PRAG1: variants seen among roughly 807,000 people sequenced by gnomAD.
The protein encoded by PRAG1 is inactive tyrosine-protein kinase PRAG1.
A neutral mutation model predicts 95.6 loss-of-function variants in PRAG1; 110 were observed. The ratio of observed to expected loss-of-function variants is 1.15; its 90% CI spans 0.99 to 1.35. PRAG1 has a LOEUF of 1.35. PRAG1 is among the 40% of genes most tolerant of loss of function. The probability of loss-of-function intolerance (pLI) is 0.00; values close to 1 mark genes in which losing one functional copy is unlikely to be tolerated. For missense variants in PRAG1, 2,554 were observed against 1,864.7 expected, an observed-to-expected ratio of 1.37 and a Z score of -6.81; for synonymous variants, 1,052 against 819.4, an observed-to-expected ratio of 1.28 and a Z score of -4.85.
chr8:8,325,935 TAAAAAA>T (rs919584549), intron 5 of PRAG1, among the ~76,000 whole-genome samples: 1 of 140,890 alleles, frequency 7.1e-6, no homozygotes, highest in Non-Finnish European at 1.6e-5. Context: ...TAATAATAAT[TAAAAAA>T]AAAAAAAGTT....
At position 8,318,153 on chromosome 8, in the gene PRAG1, C is replaced by T. The variant is rs530119902; in HGVS notation, c.*1G>A. ...AGCGACGGTGCAGGCTGGGGCTTGG[C>T]TCACAGAAGCTGCAGGAGCTTCAGC... On this transcript the variant is annotated 3_prime_UTR_variant, in exon 6 of 6. Transcript: ENST00000615670. This position sits in a 1 kb window ranked among gnomAD's most constrained non-coding sequence, Gnocchi z 4.2. The T allele has an allele frequency of 7.5e-6, 12 of 1,610,140 alleles. No homozygotes were observed. In the African/African-American group the frequency reaches 1.5e-4, roughly 20 times the overall value.
intron 3 of PRAG1, among the ~76,000 whole-genome samples, chr8:8,365,487 G>C (rs922592429): frequency 6.6e-6 from 1 of 151,958 alleles, no homozygotes; most frequent in African/African-American, 2.4e-5. Context: ...AGCCCGGCAT[G>C]GTGGCAGGTG....
chr8:8,375,192 A>C (rs555956160), intron 3 of PRAG1, among the ~76,000 whole-genome samples: 1 of 136,170 alleles, frequency 7.3e-6, no homozygotes, highest in East Asian at 2.3e-4. Context: ...ACAAAACTAC[A>C]TTTTTTTCTT....
chr8:8,337,572 G>A (rs143599984), intron 4 of PRAG1, among the ~76,000 whole-genome samples: 83 of 152,298 alleles, frequency 5.4e-4, no homozygotes, highest in Non-Finnish European at 1.1e-3. Flanking sequence ...GCCATGTCCA[G>A]GGGCAGCAGA....
chr8:8,326,521 A>G (rs575642131), intron 5 of PRAG1, among the ~76,000 whole-genome samples: 1 of 152,314 alleles, frequency 6.6e-6, no homozygotes, highest in East Asian at 1.9e-4. Context: ...CAGCAAAAGA[A>G]GATGACAAAT....
rs769938748 is a variant in PRAG1 at position 8,319,095 on chromosome 8, C to T, written c.3280G>A (p.Glu1094Lys). ...EQDCVVVITR[E>K]VPHQTASDFV... Reference sequence around the variant, plus strand: ...TCGGAGGCGGTCTGATGTGGCACCTCTCGGGTGATGACCACCACGCAGTCC... The same window carrying T: ...TCGGAGGCGGTCTGATGTGGCACCTTTCGGGTGATGACCACCACGCAGTCC... The change falls in exon 6 of 6, where the codon GAG (glutamate) becomes AAG (lysine). Residue 1094 changes from glutamate (E) to lysine (K), a missense_variant. Transcript: ENST00000615670. The T allele has an allele frequency of 1.2e-6, 2 of 1,610,186 alleles. No homozygotes were observed. Among genetic ancestry groups the T allele is most frequent in the Non-Finnish European group, 8.5e-7 (1 of 1,179,510 alleles).
chr8:8,340,779 C>T (rs912504620), intron 3 of PRAG1, among the ~76,000 whole-genome samples: 1 of 152,180 alleles, frequency 6.6e-6, no homozygotes, highest in South Asian at 2.1e-4. Flanking sequence ...TCCTTGAAAA[C>T]ACGTCCCTCT....
Position 8,318,251 on chromosome 8 carries a change from C to G in PRAG1, c.4124G>C (p.Arg1375Pro). The change falls in exon 6 of 6, where the codon CGG (arginine) becomes CCG (proline). Residue 1375 changes from arginine (R) to proline (P), a missense_variant. Arg to Pro is a moderately radical substitution (Grantham distance 103). Transcript: ENST00000615670. This position sits in a 1 kb window ranked among gnomAD's most constrained non-coding sequence, Gnocchi z 4.2. Reference sequence around the variant, plus strand: ...AAGCCAGTCCTCCAGCTCCACGCCCCGCCTGCGATCCACCGCCTTCTCCGC... The same window carrying G: ...AAGCCAGTCCTCCAGCTCCACGCCCGGCCTGCGATCCACCGCCTTCTCCGC... ...KFAEKAVDRRRGVELEDWLCC... is the reference protein window; with the variant it reads ...KFAEKAVDRRPGVELEDWLCC... The G allele has an allele frequency of 1.2e-6, 2 of 1,614,188 alleles. No individual in the cohort carries two copies. Among genetic ancestry groups the G allele is most frequent in the Non-Finnish European group, 1.7e-6 (2 of 1,180,016 alleles).
At position 8,361,201 on chromosome 8, in the gene PRAG1, G is replaced by C. The variant is rs537390316; in HGVS notation, c.2162+15046C>G. On this transcript the variant is annotated intron_variant, in intron 3 of 5. Transcript: ENST00000615670. Reference sequence around the variant, plus strand: ...ACTGAGGAACTTCCCTTAAAGGAAAGAACGTTGAAGTTGACCTCTTAGTAG... The same window carrying C: ...ACTGAGGAACTTCCCTTAAAGGAAACAACGTTGAAGTTGACCTCTTAGTAG... 9.8e-5 allele frequency among the ~76,000 whole-genome samples: 15 copies of C among 152,328 alleles called. No individual in the cohort carries two copies. The East Asian group carries it at 2.9e-3, about 29-fold the overall frequency.
At chr8:8,381,992 G>A (rs1456205134) in intron 1 of PRAG1, among the ~76,000 whole-genome samples, 158 bp from the exon 2 acceptor site, 2 of 152,128 alleles carry the variant, frequency 1.3e-5, no homozygotes. Context: ...TTGTCACAAG[G>A]CTCTTAAACA....
intron 3 of PRAG1, among the ~76,000 whole-genome samples, chr8:8,374,940 T>A (rs753414162): frequency 1.3e-5 from 2 of 152,144 alleles, no homozygotes; most frequent in African/African-American, 2.4e-5. Context: ...ATGACATGAC[T>A]CGAGAAAGTC....
At position 8,376,842 on chromosome 8, in the gene PRAG1, G is replaced by T. The variant is rs370756448; in HGVS notation, c.1567C>A (p.Leu523Met). The T allele has an allele frequency of 2.5e-6, 4 of 1,612,838 alleles. No homozygotes were observed. Among genetic ancestry groups the T allele is most frequent in the Middle Eastern group, 1.6e-4 (1 of 6,062 alleles). ...TGAGCATGGCTTTCCCTGGAGCTCA[G>T]CCCCTGCCCAGCCGAAGTCTCCTCT... ...GEEETSAGQG[L>M]SSRESHAHSA... The change falls in exon 3 of 6, where the codon CTG becomes ATG. Residue 523 changes from leucine (L) to methionine (M), a missense_variant. Transcript: ENST00000615670.
intron 3 of PRAG1, among the ~76,000 whole-genome samples, chr8:8,353,465 A>G (rs1337936256): frequency 2.6e-5 from 4 of 152,246 alleles, no homozygotes; most frequent in African/African-American, 7.2e-5. Flanking sequence ...ACCAGTAGTT[A>G]AAGAAAAAAA....
intron 2 of PRAG1, among the ~76,000 whole-genome samples, chr8:8,380,693 A>G (rs1800603652): frequency 6.6e-6 from 1 of 151,742 alleles, no homozygotes; most frequent in Non-Finnish European, 1.5e-5. Context: ...TCTCTACTAA[A>G]AATACAAAAA....
In PRAG1 at chr8:8,319,016, C is replaced by T. The variant is rs748634119; in HGVS notation, c.3359G>A (p.Arg1120Gln). Residue 1120 changes from arginine (R) to glutamine (Q), a missense_variant, in exon 6 of 6, where the codon CGG becomes CAG. By Grantham distance (43) the Arg-to-Gln change is conservative. Coordinates refer to ENST00000615670, the MANE Select transcript of PRAG1 (RefSeq NM_001080826.3). ...TTGCAGAAGCAGGAAGCACACGCGCCGCTCGTACGCCTCGGGCTCCGCCTG... is the reference window on the plus strand; with the variant it reads ...TTGCAGAAGCAGGAAGCACACGCGCTGCTCGTACGCCTCGGGCTCCGCCTG... ...SHQAEPEAYE[R>Q]RVCFLLLQLC... 1.4e-5 allele frequency: 23 copies of T among 1,613,296 alleles called. No homozygotes were observed. Among genetic ancestry groups the T allele is most frequent in the Non-Finnish European group, 1.9e-5 (23 of 1,179,824 alleles).
intron 1 of PRAG1, among the ~76,000 whole-genome samples, chr8:8,384,980 G>C (rs922312170): frequency 2.0e-5 from 3 of 152,178 alleles, no homozygotes; most frequent in Non-Finnish European, 4.4e-5. Context: ...GACTGAAGCT[G>C]TCAGATACAC....
chr8:8,340,636 C>A (rs983927948), intron 3 of PRAG1, among the ~76,000 whole-genome samples: 1 of 152,240 alleles, frequency 6.6e-6, no homozygotes, highest in African/African-American at 2.4e-5. Flanking sequence ...ATGCGCATGA[C>A]CTTACGGTCA....
rs771265409 is a variant in PRAG1, at chr8:8,376,453, G to A, written c.1956C>T (p.His652=). The A allele has an allele frequency of 1.9e-6, 3 of 1,614,018 alleles. No homozygotes were observed. In the Admixed American group the frequency reaches 5.0e-5, roughly 27 times the overall value. Residue 652 remains histidine, a synonymous_variant, in exon 3 of 6, where the codon CAC becomes CAT. Transcript: ENST00000615670. ...CATTTTTGGTCTCTCTTCCCCAGCT[G>A]TGACTCAGCAATTCCTGCTCCACCT... The part of the protein sequence containing the change: ...EEEVEQELLS[H]SWGRETKNGP...
At chr8:8,382,335 G>A (rs529407901) in intron 1 of PRAG1, among the ~76,000 whole-genome samples, 1 of 152,218 alleles carries the variant, frequency 6.6e-6, no homozygotes, top group African/African-American at 2.4e-5. Flanking sequence ...GGCAGCTTTA[G>A]GCCCTGAAAG....
Sources: allele counts gnomAD v4.1 joint callset (sites outside exome capture counted in the v4.1 genomes callset), GRCh38; gene constraint gnomAD v4.1.1; non-coding constraint Gnocchi (gnomAD v3.1); transcripts MANE v1.5; gene names NCBI Gene and HGNC (gene_info 2026-07-23, HGNC 2026-07-21).